DTNA: variants seen among roughly 807,000 people sequenced by gnomAD.
DTNA encodes dystrobrevin alpha, also known as dystrophin-related protein 3.
A neutral mutation model predicts 100.7 loss-of-function variants in DTNA; 43 were observed. That is an observed-to-expected ratio of 0.43 (90% CI 0.33 to 0.55). The LOEUF is 0.55. Among genes scored for constraint, DTNA ranks in the 20% least tolerant of loss-of-function variants. The pLI is 0.04. For missense variants in DTNA, 798 were observed against 953.9 expected, an observed-to-expected ratio of 0.84 and a Z score of 2.15; for synonymous variants, 349 against 347.9, an observed-to-expected ratio of 1.00 and a Z score of -0.04.
intron 10 of DTNA, 129 bp downstream of exon 10, chr18:34,827,805 A>T: frequency 1.1e-6 from 1 of 952,334 alleles, no homozygotes; most frequent in African/African-American, 1.6e-5. Context: ...GCAAATATCC[A>T]TTATAAGTTT....
chr18:34,675,551 T>C (rs553329666), intron 1 of DTNA, among the ~76,000 whole-genome samples: 5 of 152,262 alleles, frequency 3.3e-5, no homozygotes, highest in South Asian at 4.1e-4. Context: ...TTGAACCAAA[T>C]ATTTATAAGA....
intron 1 of DTNA, among the ~76,000 whole-genome samples, chr18:34,497,016 T>G (rs893621343): frequency 6.6e-6 from 1 of 152,318 alleles, no homozygotes; most frequent in Admixed American, 6.5e-5. Flanking sequence ...TACTTTTTTT[T>G]AAAGCACATG....
In DTNA at chr18:34,820,911, A is replaced by G. The variant is rs758130295; in HGVS notation, c.997A>G (p.Ile333Val). The G allele has an allele frequency of 2.9e-5, 46 of 1,613,846 alleles. No homozygotes were observed. The highest frequency in any genetic ancestry group is 3.7e-5 in the Non-Finnish European group (44 of 1,179,944). ...TGAGAAGCCACTCAACTTGGCTCAC[A>G]TCGTGTGAGTATCCCTACCCTCCCA... ...QPEKPLNLAH[I>V]VPPRPVTSMN... The change falls in exon 9 of 23, where the codon ATC becomes GTC. Residue 333 changes from isoleucine to valine, a missense_variant. Around this residue, in one of 6 missense-constraint regions of DTNA, gnomAD observed 93 missense variants for 90.5 expected, o/e 1.03. Coordinates refer to ENST00000444659, the MANE Select transcript of DTNA (RefSeq NM_001386795.1).
intron 1 of DTNA, among the ~76,000 whole-genome samples, chr18:34,752,013 C>CATCTGA (rs879595694): frequency 2.6e-5 from 4 of 152,194 alleles, no homozygotes; most frequent in Non-Finnish European, 4.4e-5. Context: ...GTAAAGGAAA[C>CATCTGA]ATCTGACAGG....
intron 3 of DTNA, among the ~76,000 whole-genome samples, chr18:34,793,198 G>C (rs1456710331): frequency 6.6e-6 from 1 of 152,190 alleles, no homozygotes; most frequent in East Asian, 1.9e-4. Context: ...AATGAGGATG[G>C]ATTGCAGAGG....
intron 1 of DTNA, among the ~76,000 whole-genome samples, chr18:34,697,648 GC>G (rs2080769345): frequency 1.3e-5 from 2 of 152,150 alleles, no homozygotes; most frequent in African/African-American, 4.8e-5. Context: ...TGCAGAAAAG[GC>G]CTAATTGTGC....
chr18:34,522,523 C>G (rs866203000), intron 1 of DTNA, among the ~76,000 whole-genome samples: 22 of 152,326 alleles, frequency 1.4e-4, no homozygotes, highest in Middle Eastern at 3.4e-3. Flanking sequence ...TTTTCCTCCT[C>G]CTTTTGTCCA....
At chr18:34,655,278 A>G (rs563206192) in intron 1 of DTNA, among the ~76,000 whole-genome samples, 1 of 152,206 alleles carries the variant, frequency 6.6e-6, no homozygotes, top group East Asian at 1.9e-4. Flanking sequence ...TCTCTCTTAC[A>G]TAATTGGTGT....
Position 34,818,307 on chromosome 18 carries a change from C to G in DTNA, c.853C>G (p.Gln285Glu). Residue 285 changes from glutamine (Q) to glutamate (E), a missense_variant, in exon 8 of 23, where the codon CAA becomes GAA. Physicochemically the swap from Gln to Glu is conservative, Grantham distance 29 (BLOSUM62 2). Transcript: ENST00000444659. Reference sequence around the variant, plus strand: ...CGGTGGTTCTCATAGCAACCAGCACCAAATGAAAGAGTACACGTCATGGGT... The same window carrying G: ...CGGTGGTTCTCATAGCAACCAGCACGAAATGAAAGAGTACACGTCATGGGT... ...HAGGSHSNQHQMKEYTSWKSP... is the reference protein window; with the variant it reads ...HAGGSHSNQHEMKEYTSWKSP... 6.2e-7 allele frequency: 1 copy of G among 1,613,908 alleles called. No homozygotes were observed. The highest frequency in any genetic ancestry group is 8.5e-7 in the Non-Finnish European group (1 of 1,179,906).
chr18:34,734,141 A>G (rs568123590), intron 1 of DTNA, among the ~76,000 whole-genome samples: 1 of 152,266 alleles, frequency 6.6e-6, no homozygotes, highest in South Asian at 2.1e-4. Context: ...TAGTCTAGTT[A>G]TAGGTCTAGA....
At chr18:34,789,892 T>A (rs2094642415) in intron 3 of DTNA, among the ~76,000 whole-genome samples, 1 of 152,136 alleles carries the variant, frequency 6.6e-6, no homozygotes, top group Non-Finnish European at 1.5e-5. Context: ...ATTCCAAGTG[T>A]TTTACAGGCA....
intron 1 of DTNA, among the ~76,000 whole-genome samples, chr18:34,647,393 C>T (rs2059966939): frequency 6.6e-6 from 1 of 152,124 alleles, no homozygotes; most frequent in Non-Finnish European, 1.5e-5. Context: ...ATTCTAGCCA[C>T]CAGTAGGGGG....
intron 12 of DTNA, 34 bp downstream of exon 12, chr18:34,838,205 A>AT: frequency 6.2e-7 from 1 of 1,607,502 alleles, no homozygotes; most frequent in Non-Finnish European, 8.5e-7. Flanking sequence ...GGAACCCTGC[A>AT]TTAACTAAAC....
At chr18:34,596,195 T>C (rs559216683) in intron 1 of DTNA, among the ~76,000 whole-genome samples, 2 of 152,224 alleles carry the variant, frequency 1.3e-5, no homozygotes, top group Admixed American at 1.3e-4. Flanking sequence ...CTCTTTGCTG[T>C]TTTTTGTTTG....
chr18:34,814,546 G>A (rs28569792), intron 6 of DTNA, among the ~76,000 whole-genome samples: 16,421 of 151,736 alleles, frequency 0.11, 1,006 homozygotes, highest in South Asian at 0.16. Context: ...TAAACAATTA[G>A]CCAGGTGTGG....
At chr18:34,628,522 T>C (rs1439426163) in intron 1 of DTNA, among the ~76,000 whole-genome samples, 1 of 152,256 alleles carries the variant, frequency 6.6e-6, no homozygotes, top group Non-Finnish European at 1.5e-5. Flanking sequence ...AATTGCATTA[T>C]GTTTATTGAG....
chr18:34,731,812 T>C (rs1217501299), intron 1 of DTNA, among the ~76,000 whole-genome samples: 2 of 152,230 alleles, frequency 1.3e-5, no homozygotes, highest in Admixed American at 1.3e-4. Context: ...AATGAATAGA[T>C]AAATGGTCAA....
rs774636326 is a variant in DTNA, at chr18:34,687,161, AGT to A, written c.-1-68814_-1-68813del. On this transcript the variant is annotated intron_variant, in intron 1 of 19. Transcript: ENST00000283365. ...TCTCCTTCAGTTCTGTTCTGATCTTAGTTATTTCTTGTCTTCTGCTAACTTTT... is the reference window on the plus strand; with the variant it reads ...TCTCCTTCAGTTCTGTTCTGATCTTATATTTCTTGTCTTCTGCTAACTTTT... Among the ~76,000 whole-genome samples the A allele has an allele frequency of 4.3e-4, 65 of 151,838 alleles. 1 individual carries two copies. The highest frequency in any genetic ancestry group is 8.8e-4 in the Non-Finnish European group (60 of 67,978).
chr18:34,738,596 T>C (rs560572645), intron 1 of DTNA, among the ~76,000 whole-genome samples: 208 of 152,342 alleles, frequency 1.4e-3, no homozygotes, highest in African/African-American at 4.6e-3. Flanking sequence ...CTCTTCACCC[T>C]GTTCCCTCTG....
Sources: gnomAD v4.1 joint callset for allele counts (sites outside exome capture counted in the v4.1 genomes callset) on GRCh38, gnomAD v4.1.1 for gene constraint, gnomAD v4.1.1 regional missense constraint, MANE v1.5 for transcripts, NCBI Gene and HGNC (gene_info 2026-07-23, HGNC 2026-07-21) for gene names.